Variants in ARHGEF4 observed in about 807,000 individuals in gnomAD.
ARHGEF4 encodes APC-stimulated guanine nucleotide exchange factor 1.
ARHGEF4 carries 119 observed loss-of-function variants against 162.0 expected under a neutral mutation model. The observed-to-expected ratio is 0.73, with a 90% CI of 0.63 to 0.86. ARHGEF4 has a LOEUF of 0.86. Among genes scored for constraint, ARHGEF4 ranks in the 40% least tolerant of loss-of-function variants. The pLI, the probability that ARHGEF4 is intolerant of heterozygous loss-of-function variation, is 0.00. For missense variants in ARHGEF4, 2,488 were observed against 2,456.0 expected, an observed-to-expected ratio of 1.01 and a Z score of -0.28; for synonymous variants, 1,014 against 979.9, an observed-to-expected ratio of 1.03 and a Z score of -0.65.
chr2:131,035,238 G>A (rs1690171466), intron 5 of ARHGEF4: 1 of 1,224,994 alleles, frequency 8.2e-7, no homozygotes, highest in Admixed American at 4.3e-5. Context: ...ACGTCGTACT[G>A]ATCTTCCTGC....
intron 3 of ARHGEF4, among the ~76,000 whole-genome samples, chr2:130,935,536 G>A (rs4530408): frequency 0.58 from 88,351 of 152,050 alleles, 29,812 homozygotes; most frequent in East Asian, 0.84. Context: ...TCAGCATAGC[G>A]TTCACTGCAT....
intron 6 of ARHGEF4, 70 bp downstream of exon 6, chr2:131,039,102 C>T: frequency 1.3e-6 from 2 of 1,495,264 alleles, no homozygotes; most frequent in Non-Finnish European, 1.8e-6. Flanking sequence ...CAGAGAAATC[C>T]AAGCCCAAAA....
intron 4 of ARHGEF4, among the ~76,000 whole-genome samples, chr2:130,955,276 C>T (rs1436472489): frequency 1.3e-5 from 2 of 152,122 alleles, no homozygotes; most frequent in African/African-American, 4.8e-5. Context: ...TGTAGTCATT[C>T]TCACAGGCAG....
chr2:131,016,246 C>T (rs369381997), intron 4 of ARHGEF4, among the ~76,000 whole-genome samples: 23 of 152,350 alleles, frequency 1.5e-4, no homozygotes, highest in Non-Finnish European at 2.8e-4. Flanking sequence ...AGCATCATCA[C>T]GCAACATTAT....
At chr2:130,864,079 G>A (rs920711676) in intron 1 of ARHGEF4, among the ~76,000 whole-genome samples, 3 of 151,650 alleles carry the variant, frequency 2.0e-5, no homozygotes, top group East Asian at 3.9e-4. Flanking sequence ...CCAGCTACTC[G>A]GGAGGCCGAG....
Position 130,931,247 on chromosome 2 carries a change from A to T in ARHGEF4, c.3848A>T (p.Asp1283Val). ...CTGCACATAGGGGCAGTGCACAAAG[A>T]TGGAGTCAAGGTAAGCCACTCCCGG... ...RRLHIGAVHK[D>V]GVKCWRKTII... is the part of the protein sequence containing the mutation. The change falls in exon 3 of 14, where the codon GAT becomes GTT. Residue 1283 changes from aspartate to valine, a missense_variant. This residue lies in a region of ARHGEF4 where 1,642 missense variants were observed against 1,481.5 expected (regional missense o/e 1.11). Transcript: ENST00000409359. 2 of 1,607,182 alleles carry T rather than the reference A, an allele frequency of 1.2e-6. No individual in the cohort carries two copies. The highest frequency in any genetic ancestry group is 1.7e-6 in the Non-Finnish European group (2 of 1,175,178).
At chr2:130,933,768 T>C (rs1682778734) in intron 3 of ARHGEF4, among the ~76,000 whole-genome samples, 1 of 152,244 alleles carries the variant, frequency 6.6e-6, no homozygotes, top group Non-Finnish European at 1.5e-5. Flanking sequence ...TTTTTGTTTA[T>C]TGATCCTATA....
At chr2:130,946,753 G>T in intron 4 of ARHGEF4, 118 bp downstream of exon 4, 1 of 1,439,222 alleles carries the variant, frequency 6.9e-7, no homozygotes, top group Non-Finnish European at 9.5e-7. Context: ...GAAGGTGAGA[G>T]AGATAAACAA....
At chr2:131,026,197 T>A (rs1291512247) in intron 4 of ARHGEF4, among the ~76,000 whole-genome samples, 1 of 152,190 alleles carries the variant, frequency 6.6e-6, no homozygotes, top group Non-Finnish European at 1.5e-5. Context: ...AGAAATTGGT[T>A]TCCAACCTCA....
rs1401089276 is a variant in ARHGEF4, at chr2:131,038,968, A to G, written c.4241A>G (p.Asn1414Ser). ...GDVIEVMDAT[N>S]REWWWGRVAD... Reference sequence around the variant, plus strand: ...GTCATCGAAGTGATGGATGCCACCAACAGAGAGTGGTGGTGGGGCCGGGTC... The same window carrying G: ...GTCATCGAAGTGATGGATGCCACCAGCAGAGAGTGGTGGTGGGGCCGGGTC... Residue 1414 changes from asparagine (N) to serine (S), a missense_variant, in exon 6 of 14, where the codon AAC (asparagine) becomes AGC (serine). Transcript: ENST00000409359. 6 of 1,613,604 alleles carry G rather than the reference A, an allele frequency of 3.7e-6. No homozygotes were observed. The highest frequency in any genetic ancestry group is 5.1e-6 in the Non-Finnish European group (6 of 1,179,992).
intron 1 of ARHGEF4, among the ~76,000 whole-genome samples, chr2:130,848,145 A>G (rs185647): frequency 0.9 from 137,523 of 152,180 alleles, 62,202 homozygotes; most frequent in African/African-American, 0.95. Context: ...TCTGCACAGG[A>G]TGGGTGACTT....
chr2:130,947,851 T>A (rs1574281261), intron 4 of ARHGEF4, among the ~76,000 whole-genome samples: 1 of 152,166 alleles, frequency 6.6e-6, no homozygotes, highest in East Asian at 1.9e-4. Flanking sequence ...CTTGAGCAGG[T>A]GCAGATTGTG....
In ARHGEF4 at chr2:130,914,379, G is replaced by T. The variant is rs1681366965; in HGVS notation, c.433G>T (p.Gly145Trp). The T allele has an allele frequency of 2.8e-6, 4 of 1,446,726 alleles. No homozygotes were observed. In the South Asian group the frequency reaches 4.4e-5, roughly 16 times the overall value. The allele number at this position is 1,446,726 out of a possible 1,614,324, so 89.6% of individuals were successfully genotyped here. A position where few individuals can be genotyped will look rare whatever the true frequency, so the allele number is the denominator to read the frequency against. ...PSLEDDSCKN[G>W]WRAFATVAGE... ...CTTAGAGGATGACTCTTGCAAAAAT[G>T]GGTGGCGAGCCTTTGCCACAGTTGC... Residue 145 changes from glycine to tryptophan, a missense_variant, in exon 2 of 14, where the codon GGG becomes TGG. Around this residue, in one of 6 missense-constraint regions of ARHGEF4, gnomAD observed 81 missense variants for 125.8 expected, o/e 0.64. Coordinates refer to ENST00000409359, the MANE Select transcript of ARHGEF4 (RefSeq NM_001367493.1).
intron 5 of ARHGEF4, among the ~76,000 whole-genome samples, chr2:131,037,118 G>C (rs903482959): frequency 2.6e-5 from 4 of 152,186 alleles, no homozygotes; most frequent in African/African-American, 9.7e-5. Context: ...CTGGGACCCC[G>C]TGGAGGCCTC....
intron 4 of ARHGEF4, among the ~76,000 whole-genome samples, chr2:131,004,867 G>A (rs551747860): frequency 1.3e-5 from 2 of 152,318 alleles, no homozygotes; most frequent in Admixed American, 1.3e-4. Context: ...CTTTGTGGCT[G>A]CCCCATGGCA....
chr2:130,975,628 G>T (rs529522737), intron 4 of ARHGEF4, among the ~76,000 whole-genome samples: 2 of 152,034 alleles, frequency 1.3e-5, no homozygotes, highest in African/African-American at 4.8e-5. Context: ...CACCTGTGCC[G>T]CCCAGAAGGC....
chr2:131,032,598 A>G (rs1689926111), intron 5 of ARHGEF4, among the ~76,000 whole-genome samples: 1 of 151,866 alleles, frequency 6.6e-6, no homozygotes, highest in Non-Finnish European at 1.5e-5. Flanking sequence ...ACTTTTGCGC[A>G]GGGCTGCAAG....
intron 1 of ARHGEF4, among the ~76,000 whole-genome samples, chr2:130,887,946 G>A (rs1184362698): frequency 2.0e-5 from 3 of 152,120 alleles, no homozygotes; most frequent in East Asian, 1.9e-4. Context: ...CTGTCAGGGA[G>A]AGCTGGACCA....
chr2:130,912,142 C>G (rs1444723129), intron 1 of ARHGEF4, among the ~76,000 whole-genome samples: 7 of 152,354 alleles, frequency 4.6e-5, no homozygotes, highest in Middle Eastern at 3.4e-3. Context: ...TGACAGCAAC[C>G]ACTTGCAGTT....
Sources: gnomAD v4.1 joint callset for allele counts (sites outside exome capture counted in the v4.1 genomes callset) on GRCh38, gnomAD v4.1.1 for gene constraint, gnomAD v4.1.1 regional missense constraint, MANE v1.5 for transcripts, NCBI Gene and HGNC (gene_info 2026-07-23, HGNC 2026-07-21) for gene names.